The following DOCK4 variants were observed in gnomAD, a reference collection of about 807,000 sequenced individuals.
The protein encoded by DOCK4 is dedicator of cytokinesis 4.
In DOCK4, 97 loss-of-function variants were observed where a neutral mutation model predicts 268.1. The ratio of observed to expected loss-of-function variants is 0.36; its 90% confidence interval spans 0.31 to 0.43. The LOEUF (loss-of-function observed/expected upper bound fraction) is 0.43, where lower values mean the gene tolerates loss of function less well. Among genes scored for constraint, DOCK4 ranks in the 20% least tolerant of loss-of-function variants. DOCK4 has a pLI of 1.00. For synonymous variants in DOCK4, 954 were observed against 887.2 expected (o/e 1.08, Z -1.34); for missense variants, 2,145 against 2,455.7 (o/e 0.87, Z 2.67).
At chr7:111,891,962 C>CT (rs1808320989) in intron 16 of DOCK4, among the ~76,000 whole-genome samples, 1 of 152,002 alleles carries the variant, frequency 6.6e-6, no homozygotes, top group South Asian at 2.1e-4. Flanking sequence ...TAAGGGTTAC[C>CT]TATGGGGTTA....
intron 1 of DOCK4, among the ~76,000 whole-genome samples, chr7:112,136,458 T>C (rs1476013288): frequency 2.0e-5 from 3 of 152,194 alleles, no homozygotes; most frequent in Non-Finnish European, 2.9e-5. Context: ...ATAAATCTGC[T>C]ACAAAATGCC....
At chr7:111,963,065 G>C (rs1797059440) in intron 8 of DOCK4, among the ~76,000 whole-genome samples, 1 of 152,138 alleles carries the variant, frequency 6.6e-6, no homozygotes, top group African/African-American at 2.4e-5. Context: ...TTAGTCCCAA[G>C]ACAAATTTAC....
chr7:111,855,049 G>A (rs1240697040), intron 23 of DOCK4, among the ~76,000 whole-genome samples: 1 of 152,212 alleles, frequency 6.6e-6, no homozygotes. Flanking sequence ...CTGTTGGGCA[G>A]GAGCTGAAGA....
In DOCK4 at chr7:111,940,176, G is replaced by A; in HGVS notation, c.911C>T (p.Ala304Val). The change falls in exon 11 of 53, where the codon GCA becomes GTA. Residue 304 changes from alanine (A) to valine (V), a missense_variant. Coordinates refer to ENST00000428084, the MANE Select transcript of DOCK4 (RefSeq NM_001363540.2). ...SVQYRRPFGC[A>V]VLSIADLLTG... is the part of the protein sequence containing the mutation. ...TAGCAGGTCAGCGATGCTAAGAACT[G>A]CACAGCCAAAGGGTCGTCGGTACTG... 4 of 1,613,972 alleles carry A rather than the reference G, an allele frequency of 2.5e-6. No homozygotes were observed. Among genetic ancestry groups the A allele is most frequent in the Non-Finnish European group, 3.4e-6 (4 of 1,179,886 alleles).
intron 51 of DOCK4, among the ~76,000 whole-genome samples, chr7:111,732,939 A>T (rs1025760186): frequency 6.6e-6 from 1 of 152,128 alleles, no homozygotes; most frequent in Non-Finnish European, 1.5e-5. Context: ...GCTTTTTCTC[A>T]CTAGATTTTC....
chr7:112,140,555 T>A (rs753117172), intron 1 of DOCK4, among the ~76,000 whole-genome samples: 1 of 148,070 alleles, frequency 6.8e-6, no homozygotes, highest in Non-Finnish European at 1.5e-5. Flanking sequence ...TCAAAATACA[T>A]ACAGAAATGA....
At chr7:111,949,763 A>G (rs1181431306) in intron 8 of DOCK4, among the ~76,000 whole-genome samples, 1 of 152,232 alleles carries the variant, frequency 6.6e-6, no homozygotes, top group Non-Finnish European at 1.5e-5. Context: ...ACAGCCACTA[A>G]TCACTCAGCA....
intron 11 of DOCK4, among the ~76,000 whole-genome samples, chr7:111,938,704 C>A (rs1172673743): frequency 6.6e-6 from 1 of 152,090 alleles, no homozygotes; most frequent in Non-Finnish European, 1.5e-5. Context: ...AAGTCCTAAC[C>A]CCCAGTACCT....
chr7:111,938,496 A>C (rs539738541), intron 11 of DOCK4, among the ~76,000 whole-genome samples: 1 of 152,226 alleles, frequency 6.6e-6, no homozygotes, highest in South Asian at 2.1e-4. Context: ...GAGTGTGGAA[A>C]CCCTAATAAG....
chr7:111,811,966 T>C lies in DOCK4; in HGVS notation c.2931-17A>G, dbSNP rs775575869. ...ATAATAACACTAGTGATAAAAAAAA[T>C]GACAAGGTGAAAACTTCATATTAGT... On this transcript the variant is annotated splice_polypyrimidine_tract_variant and intron_variant, in intron 27 of 52. Transcript: ENST00000428084. 1.4e-6 allele frequency: 2 copies of C among 1,391,084 alleles called. No homozygotes were observed. The allele number at this position is 1,391,084 out of a possible 1,614,324, so 86.2% of individuals were successfully genotyped here. A position where few individuals can be genotyped will look rare whatever the true frequency, so the allele number is the denominator to read the frequency against.
At chr7:111,918,653 T>G (rs775294951) in intron 12 of DOCK4, among the ~76,000 whole-genome samples, 5 of 152,180 alleles carry the variant, frequency 3.3e-5, no homozygotes, top group Non-Finnish European at 7.4e-5. Context: ...TCTGTTCTCC[T>G]CCCACTTCTG....
chr7:111,836,996 C>T (rs918651109), intron 25 of DOCK4, among the ~76,000 whole-genome samples: 42 of 152,090 alleles, frequency 2.8e-4, no homozygotes, highest in Non-Finnish European at 3.7e-4. Context: ...TTTTCAAACT[C>T]TTTGAAAATT....
At chr7:112,104,457 C>G (rs1466819252) in intron 1 of DOCK4, among the ~76,000 whole-genome samples, 1 of 152,148 alleles carries the variant, frequency 6.6e-6, no homozygotes, top group East Asian at 1.9e-4. Flanking sequence ...CATTTACAGC[C>G]TCTTTAGGCA....
intron 1 of DOCK4, among the ~76,000 whole-genome samples, chr7:112,069,049 G>C (rs1166127017): frequency 6.6e-6 from 1 of 152,178 alleles, no homozygotes; most frequent in African/African-American, 2.4e-5. Flanking sequence ...AAATGTGCTT[G>C]ACATTTAAAA....
At chr7:112,107,913 G>C (rs1211706251) in intron 1 of DOCK4, among the ~76,000 whole-genome samples, 1 of 152,224 alleles carries the variant, frequency 6.6e-6, no homozygotes, top group Non-Finnish European at 1.5e-5. Context: ...GGAAATGTCA[G>C]CCTGAGGAAT....
At chr7:111,894,186 C>A (rs541424396) in intron 16 of DOCK4, among the ~76,000 whole-genome samples, 9 of 148,298 alleles carry the variant, frequency 6.1e-5, no homozygotes, top group African/African-American at 1.0e-4. Context: ...TGTGCCGCTG[C>A]ACTCCAGCCT....
intron 35 of DOCK4, among the ~76,000 whole-genome samples, chr7:111,779,382 T>G (rs1798655348): frequency 6.6e-6 from 1 of 152,234 alleles, no homozygotes; most frequent in African/African-American, 2.4e-5. Flanking sequence ...CAACTTTTAC[T>G]TACCTGGACA....
intron 12 of DOCK4, among the ~76,000 whole-genome samples, chr7:111,919,458 A>G (rs1792916472): frequency 1.3e-5 from 2 of 152,206 alleles, no homozygotes; most frequent in Admixed American, 1.3e-4. Flanking sequence ...CAGGACAAAT[A>G]GACAAAATAG....
intron 1 of DOCK4, among the ~76,000 whole-genome samples, chr7:112,065,126 G>T (rs4730508): frequency 0.15 from 22,514 of 152,152 alleles, 2,573 homozygotes; most frequent in East Asian, 0.38. Flanking sequence ...CCTGCATTCT[G>T]CCAGTTACCA....
Sources: gnomAD v4.1 joint callset for allele counts (sites outside exome capture counted in the v4.1 genomes callset) on GRCh38, gnomAD v4.1.1 for gene constraint, MANE v1.5 for transcripts, NCBI Gene and HGNC (gene_info 2026-07-23, HGNC 2026-07-21) for gene names.